The following PKN3 variants were observed in gnomAD, a reference collection of about 807,000 sequenced individuals.
PKN3 encodes the protein serine/threonine-protein kinase N3.
Under a neutral mutation model 113.1 loss-of-function variants are expected in PKN3, and 91 were observed. The observed-to-expected ratio is 0.80, with a 90% CI of 0.68 to 0.96. The LOEUF (loss-of-function observed/expected upper bound fraction) is 0.96. PKN3 is among the 40% of genes least tolerant of loss of function. The pLI is 0.00. For missense variants in PKN3, 1,052 were observed against 1,202.2 expected, an observed-to-expected ratio of 0.88 and a Z score of 1.85; for synonymous variants, 467 against 499.0, an observed-to-expected ratio of 0.94 and a Z score of 0.85.
chr9:128,705,544 G>C lies in PKN3; in HGVS notation c.265+1G>C. The C allele has an allele frequency of 6.4e-7, 1 of 1,555,020 alleles. No homozygotes were observed. The highest frequency in any genetic ancestry group is 1.8e-4 in the Middle Eastern group (1 of 5,714). ...CCCGGCCCTGGGCCTGGCCCAGCTG[G>C]TGAGTGAGGAGCTGAGACCCCCTCA... On this transcript the variant is annotated splice_donor_variant, in intron 2 of 21. Coordinates refer to ENST00000291906, the MANE Select transcript of PKN3 (RefSeq NM_013355.5). LOFTEE classifies it high-confidence loss of function.
At chr9:128,705,612 T>C in intron 2 of PKN3, 69 bp downstream of exon 2, 1 of 1,542,186 alleles carries the variant, frequency 6.5e-7, no homozygotes, top group East Asian at 2.4e-5. Flanking sequence ...GCCTTGGCCC[T>C]GGCCACTGTG....
Position 128,702,923 on chromosome 9 carries a change from A to C in PKN3, c.8A>C (p.Glu3Ala). The change falls in exon 1 of 22, where the codon GAG becomes GCG. Residue 3 changes from glutamate to alanine, a missense_variant. By Grantham distance (107) the Glu-to-Ala change is moderately radical. Around this residue, in one of 2 missense-constraint regions of PKN3, gnomAD observed 719 missense variants for 759.4 expected, o/e 0.95. Coordinates refer to ENST00000291906, the MANE Select transcript of PKN3 (RefSeq NM_013355.5). ...AGCGGCCGGAGCGGCGCCATGGAGG[A>C]GGGGGCGCCGCGGCAGGTGAACGGC... ME[E>A]GAPRQPGPSQ... The C allele has an allele frequency of 6.8e-7, 1 of 1,463,946 alleles. No homozygotes were observed. Among genetic ancestry groups the C allele is most frequent in the South Asian group, 1.3e-5 (1 of 76,860 alleles). The allele number at this position is 1,463,946 out of a possible 1,614,324, so 90.7% of individuals were successfully genotyped here.
At chr9:128,714,740 C>T (rs1350701484) in intron 12 of PKN3, 58 bp from the exon 13 acceptor site, 1 of 1,538,384 alleles carries the variant, frequency 6.5e-7, no homozygotes, top group Non-Finnish European at 9.0e-7. Context: ...GGGTGGCAGG[C>T]CTGAAGGGAA....
chr9:128,718,470 C>T (rs1399097675), intron 17 of PKN3, 79 bp from the exon 18 acceptor site: 1 of 1,583,514 alleles, frequency 6.3e-7, no homozygotes, highest in Non-Finnish European at 8.7e-7. Flanking sequence ...CTCCGCCTGC[C>T]TGGGCTGCTC....
chr9:128,705,504 G>C lies in PKN3; in HGVS notation c.226G>C (p.Ala76Pro). The C allele has an allele frequency of 6.4e-7, 1 of 1,558,926 alleles. No homozygotes were observed. Among genetic ancestry groups the C allele is most frequent in the Non-Finnish European group, 8.7e-7 (1 of 1,152,330 alleles). ...GCATGGCGAGCTGCGGGAGCTGCAC[G>C]CCCGAATCCTGCTGCCCGGCCCTGG... ...QLHGELRELH[A>P]RILLPGPGPG... The change falls in exon 2 of 22, where the codon GCC becomes CCC. Residue 76 changes from alanine to proline, a missense_variant. Around this residue, in one of 2 missense-constraint regions of PKN3, gnomAD observed 719 missense variants for 759.4 expected, o/e 0.95. Coordinates refer to ENST00000291906, the MANE Select transcript of PKN3 (RefSeq NM_013355.5).
intron 18 of PKN3, 129 bp from the exon 19 acceptor site, chr9:128,719,557 T>C (rs1438724107): frequency 3.2e-6 from 3 of 939,092 alleles, no homozygotes; most frequent in African/African-American, 3.3e-5. Context: ...GTCATAACCA[T>C]TCCCACTTCC....
At chr9:128,703,540 C>T (rs1014329921) in intron 1 of PKN3, 5 of 985,224 alleles carry the variant, frequency 5.1e-6, no homozygotes, top group Non-Finnish European at 2.4e-6. Context: ...TGCGCGTGGG[C>T]CCGGAGGACC....
At chr9:128,719,258 C>A (rs918481110) in intron 18 of PKN3, among the ~76,000 whole-genome samples, 1 of 151,246 alleles carries the variant, frequency 6.6e-6, no homozygotes. Flanking sequence ...GGCGCAATCT[C>A]GGCTCACTGC....
Position 128,720,365 on chromosome 9 carries a change from C to T in PKN3, c.2458-29C>T, listed in dbSNP as rs758565100. The stretch of plus-strand genomic sequence containing the variant: ...TGACTCCTGGAGCTGCTGTTCCTGC[C>T]GTCTCAGGCGCCTCTCCTTTGCCCT... On this transcript the variant is annotated intron_variant, in intron 21 of 21. Transcript: ENST00000291906. This position sits in a 1 kb window ranked among gnomAD's most constrained non-coding sequence, Gnocchi z 5.5. 1.2e-5 allele frequency: 20 copies of T among 1,611,854 alleles called. No individual in the cohort carries two copies. The highest frequency in any genetic ancestry group is 1.1e-5 in the South Asian group (1 of 91,044).
chr9:128,717,791 G>A (rs1027199053), intron 16 of PKN3, among the ~76,000 whole-genome samples: 3 of 149,534 alleles, frequency 2.0e-5, no homozygotes, highest in Non-Finnish European at 4.4e-5. Context: ...AGGCTGAGGC[G>A]TGTGGATCAT....
In PKN3 at chr9:128,714,433, G is replaced by A. The variant is rs568081363; in HGVS notation, c.1481+68G>A. 214 of 1,370,324 alleles carry A rather than the reference G, an allele frequency of 1.6e-4. No individual in the cohort carries two copies. In the South Asian group the frequency reaches 1.9e-3, roughly 12 times the overall value. 84.9% of individuals were successfully genotyped at this position (1,370,324 alleles called of 1,614,324 possible). A position where few individuals can be genotyped will look rare whatever the true frequency, so the allele number is the denominator to read the frequency against. ...GGCTTCCTGACTCCAGATCCAGGCG[G>A]TATCTGTCTGTCTGTCTGCATTGCT... On this transcript the variant is annotated intron_variant, in intron 11 of 21. Coordinates refer to ENST00000291906, the MANE Select transcript of PKN3 (RefSeq NM_013355.5).
chr9:128,712,822 G>T (rs781330237), intron 6 of PKN3, among the ~76,000 whole-genome samples: 46 of 152,086 alleles, frequency 3.0e-4, no homozygotes, highest in Non-Finnish European at 5.9e-4. Context: ...GTACCCTTTG[G>T]GGGGCTCATG....
chr9:128,709,141 C>T lies in PKN3; in HGVS notation c.835+1736C>T, dbSNP rs144445624. Among the ~76,000 whole-genome samples, 624 of 151,996 alleles carry T rather than the reference C, an allele frequency of 4.1e-3. 8 individuals carry two copies. The highest frequency in any genetic ancestry group is 0.014 in the African/African-American group (579 of 41,458). ...TCCACTAAAAATACAAAAAATTAAC[C>T]GGGCGTGGTGGCGGGCGCCTGTAGT... On this transcript the variant is annotated intron_variant, in intron 6 of 21. Coordinates refer to ENST00000291906, the MANE Select transcript of PKN3 (RefSeq NM_013355.5).
Position 128,706,770 on chromosome 9 carries a change from G to T in PKN3, c.469G>T (p.Ala157Ser), listed in dbSNP as rs1292117366. ...QMLRDSQLKV[A>S]LLRMKISSLE... ...GCTGCGGGACAGCCAGCTGAAGGTG[G>T]CCCTGCTGCGGATGAAGATCAGCAG... The change falls in exon 4 of 22, where the codon GCC becomes TCC. Residue 157 changes from alanine (A) to serine (S), a missense_variant. By Grantham distance (99) the Ala-to-Ser change is moderately conservative (BLOSUM62 1). Around this residue, in one of 2 missense-constraint regions of PKN3, gnomAD observed 719 missense variants for 759.4 expected, o/e 0.95. Coordinates refer to ENST00000291906, the MANE Select transcript of PKN3 (RefSeq NM_013355.5). The T allele has an allele frequency of 6.2e-7, 1 of 1,609,158 alleles. No homozygotes were observed.
rs1862497457 is a variant in PKN3, at chr9:128,720,341, G to A, written c.2458-53G>A. ...CCTGGCAGGGTAGGTGGCATGGAGTGACTCCTGGAGCTGCTGTTCCTGCCG... is the reference window on the plus strand; with the variant it reads ...CCTGGCAGGGTAGGTGGCATGGAGTAACTCCTGGAGCTGCTGTTCCTGCCG... On this transcript the variant is annotated intron_variant, in intron 21 of 21. Coordinates refer to ENST00000291906, the MANE Select transcript of PKN3 (RefSeq NM_013355.5). The surrounding 1 kb of genome is among the most constrained non-coding windows in gnomAD (Gnocchi z 5.5). 5 of 1,611,820 alleles carry A rather than the reference G, an allele frequency of 3.1e-6. No homozygotes were observed. In the South Asian group the frequency reaches 5.5e-5, roughly 18 times the overall value.
chr9:128,712,989 C>T, intron 6 of PKN3, 63 bp from the exon 7 acceptor site: 2 of 1,526,518 alleles, frequency 1.3e-6, no homozygotes, highest in East Asian at 2.3e-5. Flanking sequence ...GGTCCCAGGA[C>T]ACCTTGGTGG....
In PKN3 at chr9:128,713,981, G is replaced by T. The variant is rs118156531; in HGVS notation, c.1237-65G>T. On this transcript the variant is annotated intron_variant, in intron 9 of 21. Coordinates refer to ENST00000291906, the MANE Select transcript of PKN3 (RefSeq NM_013355.5). ...GGCTTGGGCTGTAATCCCAGGGGCA[G>T]AGGAGGTGCCATGGCAGATGAGATG... The T allele has an allele frequency of 5.0e-3, 7,638 of 1,536,336 alleles. 138 individuals carry two copies. In the East Asian group the frequency reaches 0.057, roughly 11 times the overall value.
intron 6 of PKN3, among the ~76,000 whole-genome samples, chr9:128,711,894 C>T (rs9777583): frequency 0.88 from 133,090 of 151,052 alleles, 60,675 homozygotes; most frequent in Non-Finnish European, 1. Context: ...CCACCACGCC[C>T]GGCCTCAAGT....
rs1861976981 is a variant in PKN3 at position 128,705,333 on chromosome 9, GAGA to G, written c.58_60del (p.Lys20del). On this transcript the variant is annotated inframe_deletion, in exon 2 of 22. Coordinates refer to ENST00000291906, the MANE Select transcript of PKN3 (RefSeq NM_013355.5). The stretch of plus-strand genomic sequence containing the variant: ...GCCGAGCCAGTGGCCCCCAGAGGAT[GAGA>G]AGGAGGTGATCCGCCGGGCCATCCA... 1 of 1,566,304 alleles carries G rather than the reference GAGA, an allele frequency of 6.4e-7. No homozygotes were observed. The highest frequency in any genetic ancestry group is 1.4e-5 in the African/African-American group (1 of 73,622).
Sources: allele counts gnomAD v4.1 joint callset (sites outside exome capture counted in the v4.1 genomes callset), GRCh38; gene constraint gnomAD v4.1.1; regional missense constraint gnomAD v4.1.1; non-coding constraint Gnocchi (gnomAD v3.1); transcripts MANE v1.5; gene names NCBI Gene and HGNC (gene_info 2026-07-23, HGNC 2026-07-21).